GLI2: variants seen among roughly 807,000 people sequenced by gnomAD.
The protein encoded by GLI2 is GLI family zinc finger 2.
In GLI2, 22 loss-of-function variants were observed where a neutral mutation model predicts 78.9. The observed-to-expected ratio is 0.28, with a 90% CI of 0.20 to 0.40. The LOEUF (loss-of-function observed/expected upper bound fraction) is 0.40, where lower values mean the gene tolerates loss of function less well. Among genes scored for constraint, GLI2 ranks in the 10% least tolerant of loss-of-function variants. GLI2 has a pLI of 1.00. For synonymous variants in GLI2, 974 were observed against 963.7 expected (o/e 1.01, Z -0.20); for missense variants, 2,097 against 2,213.2 (o/e 0.95, Z 1.05).
At chr2:120,883,051 C>A (rs1178032047) in intron 2 of GLI2, among the ~76,000 whole-genome samples, 1 of 152,158 alleles carries the variant, frequency 6.6e-6, no homozygotes, top group Non-Finnish European at 1.5e-5. Context: ...ATAATTTTGC[C>A]TTTTCCTGAA....
In GLI2 at chr2:120,888,173, G is replaced by A. The variant is rs956705735; in HGVS notation, c.149-39188G>A. Among the ~76,000 whole-genome samples, 11 of 152,256 alleles carry A rather than the reference G, an allele frequency of 7.2e-5. No homozygotes were observed. In the East Asian group the frequency reaches 1.3e-3, roughly 19 times the overall value. On this transcript the variant is annotated intron_variant, in intron 2 of 13. Coordinates refer to ENST00000361492, the MANE Select transcript of GLI2 (RefSeq NM_001374353.1). ...AAACCTCCAGAGGGAGAAGGGAGTC[G>A]GGGAGGGGTAGAAGGGAGGCCTGTT...
chr2:120,967,551 C>T (rs13418466), intron 5 of GLI2, among the ~76,000 whole-genome samples: 7,256 of 152,312 alleles, frequency 0.048, 218 homozygotes, highest in African/African-American at 0.08. Flanking sequence ...GTGCAGGGTA[C>T]TCTTGTCTGG....
Position 120,938,749 on chromosome 2 carries a change from G to A in GLI2, c.254+11283G>A, listed in dbSNP as rs139774937. On this transcript the variant is annotated intron_variant, in intron 3 of 13. Coordinates refer to ENST00000361492, the MANE Select transcript of GLI2 (RefSeq NM_001374353.1). ...GAGGGAGCCTGGACAACAGATAGAT[G>A]TTGTGGCCAAGAGGGCCCATGGAGT... Among the ~76,000 whole-genome samples the A allele has an allele frequency of 7.9e-4, 120 of 152,320 alleles. 1 individual carries two copies. Among genetic ancestry groups the A allele is most frequent in the African/African-American group, 2.2e-3 (93 of 41,572 alleles).
intron 2 of GLI2, among the ~76,000 whole-genome samples, chr2:120,887,933 C>T (rs1003361247): frequency 6.6e-6 from 1 of 152,230 alleles, no homozygotes; most frequent in Non-Finnish European, 1.5e-5. Context: ...TATTGCTCCA[C>T]TCCAAGCCAG....
intron 1 of GLI2, among the ~76,000 whole-genome samples, chr2:120,757,379 T>C (rs963789577): frequency 6.6e-6 from 1 of 152,236 alleles, no homozygotes; most frequent in African/African-American, 2.4e-5. Context: ...TTAATTTTTT[T>C]AGCTTTGTTA....
intron 2 of GLI2, among the ~76,000 whole-genome samples, chr2:120,888,002 T>C (rs1677498336): frequency 6.6e-6 from 1 of 152,220 alleles, no homozygotes; most frequent in Admixed American, 6.5e-5. Flanking sequence ...GGCTCTTGTT[T>C]GTTTTCCCGG....
chr2:120,789,029 CTTTCTTTTTTT>C (rs1292256868), intron 1 of GLI2, among the ~76,000 whole-genome samples: 2 of 135,500 alleles, frequency 1.5e-5, no homozygotes, highest in East Asian at 4.1e-4. Flanking sequence ...TTATTTCTTT[CTTTCTTTTTTT>C]TTTTTTTTTT....
chr2:120,989,467 G>C lies in GLI2; in HGVS notation c.3502G>C (p.Gly1168Arg). The stretch of plus-strand genomic sequence containing the variant: ...GAAGCCTGCCTTTGGCCAGTACCCG[G>C]GCTACAGTCCGCAAGGCCTACAGGC... ...QQKPAFGQYP[G>R]YSPQGLQASP... The change falls in exon 14 of 14, where the codon GGC becomes CGC. Residue 1168 changes from glycine to arginine, a missense_variant. By Grantham distance (125) the Gly-to-Arg change is moderately radical. Transcript: ENST00000361492. 6.2e-7 allele frequency: 1 copy of C among 1,613,122 alleles called. No individual in the cohort carries two copies. The highest frequency in any genetic ancestry group is 8.5e-7 in the Non-Finnish European group (1 of 1,179,984).
intron 1 of GLI2, among the ~76,000 whole-genome samples, chr2:120,743,144 G>T (rs144087434): frequency 1.7e-3 from 262 of 152,270 alleles, no homozygotes; most frequent in African/African-American, 6.1e-3. Context: ...TAATTCCATC[G>T]TGACCATCAA....
intron 2 of GLI2, among the ~76,000 whole-genome samples, chr2:120,831,935 T>C (rs1686380235): frequency 6.6e-6 from 1 of 152,192 alleles, no homozygotes; most frequent in Non-Finnish European, 1.5e-5. Context: ...GGAGTGCCAG[T>C]GGGATTACCT....
intron 1 of GLI2, among the ~76,000 whole-genome samples, chr2:120,753,400 T>C (rs1201522642): frequency 6.6e-6 from 1 of 152,220 alleles, no homozygotes; most frequent in African/African-American, 2.4e-5. Flanking sequence ...CTGGCCTCTC[T>C]ACGGATTTTA....
At chr2:120,859,949 G>A (rs1055731973) in intron 2 of GLI2, among the ~76,000 whole-genome samples, 8 of 152,234 alleles carry the variant, frequency 5.3e-5, no homozygotes, top group African/African-American at 7.2e-5. Context: ...CACCATGCCC[G>A]GCCAATACTC....
intron 3 of GLI2, among the ~76,000 whole-genome samples, chr2:120,931,005 A>G (rs1255830400): frequency 6.6e-6 from 1 of 152,252 alleles, no homozygotes; most frequent in East Asian, 1.9e-4. Flanking sequence ...GCCCACAGAA[A>G]TGGCCTTGTC....
intron 2 of GLI2, among the ~76,000 whole-genome samples, chr2:120,905,867 G>GCCCCCCCCCCCC (rs149778827): frequency 6.8e-5 from 10 of 145,988 alleles, no homozygotes; most frequent in African/African-American, 2.1e-4. Context: ...GGGCTACACT[G>GCCCCCCCCCCCC]CCCCCCCCCC....
At chr2:120,754,263 C>T (rs1434095208) in intron 1 of GLI2, among the ~76,000 whole-genome samples, 1 of 152,130 alleles carries the variant, frequency 6.6e-6, no homozygotes. Context: ...TCAAACTTGT[C>T]GATCCTTGCC....
At chr2:120,951,506 C>G in intron 4 of GLI2, 61 bp downstream of exon 4, 1 of 1,065,846 alleles carries the variant, frequency 9.4e-7, no homozygotes, top group South Asian at 1.4e-5. Flanking sequence ...CGCAGCCAGC[C>G]TCTCTCACGC....
chr2:120,931,908 G>A (rs1287694208), intron 3 of GLI2, among the ~76,000 whole-genome samples: 2 of 152,234 alleles, frequency 1.3e-5, no homozygotes, highest in East Asian at 1.9e-4. Flanking sequence ...TCCCTACGCG[G>A]TCCTGCTGGG....
chr2:120,864,781 C>G (rs1558841603), intron 2 of GLI2, among the ~76,000 whole-genome samples: 1 of 152,204 alleles, frequency 6.6e-6, no homozygotes, highest in Non-Finnish European at 1.5e-5. Context: ...CTTTGGCTCT[C>G]TGTGGGTCAC....
intron 2 of GLI2, among the ~76,000 whole-genome samples, chr2:120,847,628 T>C (rs1344270172): frequency 2.2e-5 from 3 of 139,104 alleles, no homozygotes; most frequent in African/African-American, 5.2e-5. Flanking sequence ...TGAACTTGGA[T>C]TGGGGGATGG....
Sources: gnomAD v4.1 joint callset for allele counts (sites outside exome capture counted in the v4.1 genomes callset) on GRCh38, gnomAD v4.1.1 for gene constraint, MANE v1.5 for transcripts, NCBI Gene and HGNC (gene_info 2026-07-23, HGNC 2026-07-21) for gene names.